Variants in LDB2 observed in about 807,000 individuals in gnomAD.
LDB2 encodes LIM domain-binding protein 2.
In LDB2, 12 loss-of-function variants were observed where a neutral mutation model predicts 44.3. That is an observed-to-expected ratio of 0.27 (90% CI 0.17 to 0.44). LDB2 has a LOEUF of 0.44. LDB2 is among the 20% of genes least tolerant of loss of function. The probability of loss-of-function intolerance (pLI) is 1.00; values close to 1 mark genes in which losing one functional copy is unlikely to be tolerated. For missense variants in LDB2, 344 were observed against 473.5 expected, an observed-to-expected ratio of 0.73 and a Z score of 2.54; for synonymous variants, 164 against 174.8, an observed-to-expected ratio of 0.94 and a Z score of 0.49.
intron 2 of LDB2, among the ~76,000 whole-genome samples, chr4:16,755,472 G>GGTGTGTGTGTGTGTGTGTGT (rs58186199): frequency 1.3e-4 from 15 of 118,294 alleles, no homozygotes; most frequent in African/African-American, 4.6e-4. Context: ...GTAGGAATAG[G>GGTGTGTGTGTGTGTGTGTGT]GTGTGTGTGT....
At chr4:16,595,951 A>G in intron 2 of LDB2, 76 bp from the exon 3 acceptor site, 1 of 1,379,478 alleles carries the variant, frequency 7.2e-7, no homozygotes, top group Non-Finnish European at 9.9e-7. Flanking sequence ...ACCATTGCCA[A>G]ACCTCCTAAA....
intron 5 of LDB2, among the ~76,000 whole-genome samples, chr4:16,561,782 A>G (rs887683537): frequency 3.9e-5 from 6 of 152,236 alleles, no homozygotes; most frequent in Non-Finnish European, 8.8e-5. Context: ...AGCCAAAAGA[A>G]CAAAGCTGGA....
intron 5 of LDB2, among the ~76,000 whole-genome samples, chr4:16,553,562 T>C: frequency 6.6e-6 from 1 of 152,162 alleles, no homozygotes; most frequent in Non-Finnish European, 1.5e-5. Flanking sequence ...TTTGTTTGTT[T>C]TCTGTTTTTG....
chr4:16,672,761 GC>G (rs1745147960), intron 2 of LDB2, among the ~76,000 whole-genome samples: 1 of 152,090 alleles, frequency 6.6e-6, no homozygotes, highest in Admixed American at 6.6e-5. Context: ...CTCTTTCCCT[GC>G]AGTAACACTG....
Position 16,755,516 on chromosome 4 carries a change from TGTGTGTGTATGTGA to T in LDB2, c.235+3628_235+3641del, listed in dbSNP as rs1245114730. 1.7e-3 allele frequency among the ~76,000 whole-genome samples: 152 copies of T among 86,914 alleles called. 2 individuals carry two copies. The East Asian group carries it at 0.034, about 20-fold the overall frequency. The allele number at this position is 86,914 out of a possible 152,430, so 57.0% of individuals were successfully genotyped here. A position where few individuals can be genotyped will look rare whatever the true frequency, so the allele number is the denominator to read the frequency against. ...GTGTGTGTGTGTGTGTGTGTGTGTG[TGTGTGTGTATGTGA>T]GAGAGAGAGAGACAGACAGACAGAG... On this transcript the variant is annotated intron_variant, in intron 2 of 7. Transcript: ENST00000304523.
chr4:16,641,839 T>C (rs1017250851), intron 2 of LDB2, among the ~76,000 whole-genome samples: 13 of 152,050 alleles, frequency 8.5e-5, no homozygotes, highest in African/African-American at 1.5e-4. Context: ...CAGAGTCACA[T>C]TGAAAACAAG....
intron 1 of LDB2, among the ~76,000 whole-genome samples, chr4:16,781,288 G>A (rs968428195): frequency 6.6e-6 from 1 of 152,144 alleles, no homozygotes; most frequent in Non-Finnish European, 1.5e-5. Flanking sequence ...TGTCATGCGC[G>A]GCAGTTTCTT....
At chr4:16,823,505 A>T (rs1040415061) in intron 1 of LDB2, among the ~76,000 whole-genome samples, 2 of 152,026 alleles carry the variant, frequency 1.3e-5, no homozygotes, top group East Asian at 1.9e-4. Flanking sequence ...ATTTTTTTTT[A>T]AAAGGAGAAA....
At chr4:16,599,838 A>G (rs936167417) in intron 2 of LDB2, among the ~76,000 whole-genome samples, 2 of 152,168 alleles carry the variant, frequency 1.3e-5, no homozygotes, top group Non-Finnish European at 2.9e-5. Context: ...CGATGCTGCA[A>G]ACACAAACTT....
chr4:16,527,666 G>A (rs1432420781), intron 5 of LDB2, among the ~76,000 whole-genome samples: 1 of 152,146 alleles, frequency 6.6e-6, no homozygotes, highest in East Asian at 1.9e-4. Context: ...TGTGGAACCA[G>A]CCCACATGCC....
chr4:16,592,505 T>TATACACAC (rs757702164), intron 3 of LDB2, among the ~76,000 whole-genome samples: 127 of 107,946 alleles, frequency 1.2e-3, no homozygotes, highest in Non-Finnish European at 1.4e-3. Flanking sequence ...TATATATATA[T>TATACACAC]ACACACACAC....
intron 1 of LDB2, among the ~76,000 whole-genome samples, chr4:16,832,318 C>G (rs1452380773): frequency 6.6e-6 from 1 of 151,996 alleles, no homozygotes; most frequent in Non-Finnish European, 1.5e-5. Context: ...GATTACTTGC[C>G]TAGCTTATAA....
intron 1 of LDB2, among the ~76,000 whole-genome samples, chr4:16,820,649 A>G (rs1364295004): frequency 6.6e-6 from 1 of 152,198 alleles, no homozygotes; most frequent in Non-Finnish European, 1.5e-5. Flanking sequence ...CTCTGTAAAG[A>G]AGCTCATGTG....
intron 2 of LDB2, among the ~76,000 whole-genome samples, chr4:16,751,271 G>A (rs1189483559): frequency 6.6e-6 from 1 of 151,922 alleles, no homozygotes; most frequent in East Asian, 1.9e-4. Flanking sequence ...ACATATTAGG[G>A]GATAATAAAA....
At chr4:16,675,077 A>G (rs1745915174) in intron 2 of LDB2, among the ~76,000 whole-genome samples, 1 of 152,184 alleles carries the variant, frequency 6.6e-6, no homozygotes, top group African/African-American at 2.4e-5. Context: ...GCAATCATTT[A>G]TTTTTTAAAA....
intron 5 of LDB2, among the ~76,000 whole-genome samples, chr4:16,555,501 C>T (rs1289252478): frequency 2.6e-5 from 4 of 152,202 alleles, no homozygotes; most frequent in Non-Finnish European, 5.9e-5. Context: ...ATACTAAATA[C>T]ATGCTAATCA....
chr4:16,895,515 A>G (rs1374513909), intron 1 of LDB2, among the ~76,000 whole-genome samples: 4 of 151,814 alleles, frequency 2.6e-5, no homozygotes, highest in Non-Finnish European at 5.9e-5. Context: ...AGGGGTGAAG[A>G]CTTGAGAGTA....
At chr4:16,802,027 T>C (rs997650004) in intron 1 of LDB2, among the ~76,000 whole-genome samples, 4 of 152,198 alleles carry the variant, frequency 2.6e-5, no homozygotes, top group African/African-American at 9.7e-5. Flanking sequence ...AGGCTGTGGT[T>C]TCCATTTGTC....
chr4:16,720,818 C>T (rs1758109148), intron 2 of LDB2, among the ~76,000 whole-genome samples: 1 of 152,126 alleles, frequency 6.6e-6, no homozygotes, highest in African/African-American at 2.4e-5. Flanking sequence ...GGACCAAGAT[C>T]TTTAAAATCG....
Sources: allele counts gnomAD v4.1 joint callset (sites outside exome capture counted in the v4.1 genomes callset), GRCh38; gene constraint gnomAD v4.1.1; transcripts MANE v1.5; gene names NCBI Gene and HGNC (gene_info 2026-07-23, HGNC 2026-07-21).